Variants in PRKAG2 observed in about 807,000 individuals in gnomAD.
The protein encoded by PRKAG2 is protein kinase AMP-activated non-catalytic subunit gamma 2, also known as 5'-AMP-activated protein kinase subunit gamma-2.
PRKAG2 carries 26 observed loss-of-function variants against 69.6 expected under a neutral mutation model. That is an observed-to-expected ratio of 0.37 (90% CI 0.27 to 0.52). The LOEUF (loss-of-function observed/expected upper bound fraction) is 0.52, where lower values mean the gene tolerates loss of function less well. Among genes scored for constraint, PRKAG2 ranks in the 20% least tolerant of loss-of-function variants. The pLI is 0.90. For missense variants in PRKAG2, 557 were observed against 740.0 expected (o/e 0.75, Z 2.87); for synonymous variants, 293 against 285.0 (o/e 1.03, Z -0.28).
At chr7:151,862,078 G>A (rs1351003612) in intron 1 of PRKAG2, among the ~76,000 whole-genome samples, 1 of 151,980 alleles carries the variant, frequency 6.6e-6, no homozygotes, top group Non-Finnish European at 1.5e-5. Context: ...GATGAGGCCC[G>A]AGGCACTGGC....
At chr7:151,750,249 G>A (rs1188741798) in intron 3 of PRKAG2, among the ~76,000 whole-genome samples, 2 of 152,132 alleles carry the variant, frequency 1.3e-5, no homozygotes, top group Non-Finnish European at 2.9e-5. Context: ...CCCAGAACCT[G>A]CAGTCCTAGG....
chr7:151,762,644 C>A (rs2075487096), intron 3 of PRKAG2, among the ~76,000 whole-genome samples: 2 of 152,214 alleles, frequency 1.3e-5, no homozygotes, highest in African/African-American at 4.8e-5. Context: ...ACCAGCACCT[C>A]TGAGCTGTGT....
chr7:151,595,381 G>C lies in PRKAG2; in HGVS notation c.828C>G (p.Thr276=). ...RSHKCYDIVP[T]SSKLVVFDTT... is the part of the protein sequence containing the mutation. ...TATCAAAGACAACAAGCTTTGAACT[G>C]GTTGGAACGATGTCATAACACTTGT... is the stretch of plus-strand genomic sequence containing the variant. Residue 276 remains threonine (T), a synonymous_variant, in exon 6 of 16, where the codon ACC becomes ACG. Coordinates refer to ENST00000287878, the MANE Select transcript of PRKAG2 (RefSeq NM_016203.4). The C allele has an allele frequency of 6.2e-7, 1 of 1,613,782 alleles. No individual in the cohort carries two copies. The highest frequency in any genetic ancestry group is 8.5e-7 in the Non-Finnish European group (1 of 1,179,752).
intron 3 of PRKAG2, among the ~76,000 whole-genome samples, chr7:151,716,500 G>C (rs1484667392): frequency 6.6e-6 from 1 of 152,130 alleles, no homozygotes; most frequent in Non-Finnish European, 1.5e-5. Flanking sequence ...CACCACTCCA[G>C]GCTCAAAGGG....
intron 3 of PRKAG2, among the ~76,000 whole-genome samples, chr7:151,701,842 CAA>C (rs71533538): frequency 2.4e-4 from 22 of 92,414 alleles, no homozygotes; most frequent in Non-Finnish European, 1.4e-4. Context: ...GACTCTGTCT[CAA>C]AAAAAAAAAA....
intron 4 of PRKAG2, among the ~76,000 whole-genome samples, chr7:151,650,234 G>C (rs1828259240): frequency 6.7e-6 from 1 of 150,302 alleles, no homozygotes; most frequent in Non-Finnish European, 1.5e-5. Flanking sequence ...AAGTTTAAGA[G>C]AAAAATGGTA....
At chr7:151,751,011 G>C (rs2074634300) in intron 3 of PRKAG2, among the ~76,000 whole-genome samples, 1 of 151,920 alleles carries the variant, frequency 6.6e-6, no homozygotes. Flanking sequence ...TGATGACTAA[G>C]TATGCTCATG....
chr7:151,700,833 G>A (rs1015906994), intron 3 of PRKAG2, among the ~76,000 whole-genome samples: 4 of 152,102 alleles, frequency 2.6e-5, no homozygotes, highest in East Asian at 3.9e-4. Flanking sequence ...GCCTTGTGCC[G>A]AACCCCAAAT....
rs1463255243 is a variant in PRKAG2 at position 151,780,954 on chromosome 7, A to G, written c.466+198T>C. 6.6e-6 allele frequency among the ~76,000 whole-genome samples: 1 copy of G among 152,216 alleles called. No homozygotes were observed. Among genetic ancestry groups the G allele is most frequent in the Non-Finnish European group, 1.5e-5 (1 of 68,044 alleles). On this transcript the variant is annotated intron_variant, in intron 3 of 15. Coordinates refer to ENST00000287878, the MANE Select transcript of PRKAG2 (RefSeq NM_016203.4). The surrounding 1 kb of genome is among the most constrained non-coding windows in gnomAD (Gnocchi z 4.2). ...CGCTTTGATAGATTAGCATGGGAAGAAAGTGACAGGTGGAAACTGATGTTC... is the reference window on the plus strand; with the variant it reads ...CGCTTTGATAGATTAGCATGGGAAGGAAGTGACAGGTGGAAACTGATGTTC...
At chr7:151,760,127 AG>A in intron 3 of PRKAG2, among the ~76,000 whole-genome samples, 1 of 152,326 alleles carries the variant, frequency 6.6e-6, no homozygotes, top group Non-Finnish European at 1.5e-5. Flanking sequence ...GAGAGAACCT[AG>A]GAGAAGTGAA....
rs113129160 is a variant in PRKAG2 at position 151,865,844 on chromosome 7, C to T, written c.114+10663G>A. ...ACCATCCTGGCTAACACGGTGAAACCCCGTCTCTATTAAAAAATACAAAAA... is the reference window on the plus strand; with the variant it reads ...ACCATCCTGGCTAACACGGTGAAACTCCGTCTCTATTAAAAAATACAAAAA... On this transcript the variant is annotated intron_variant, in intron 1 of 15. Coordinates refer to ENST00000287878, the MANE Select transcript of PRKAG2 (RefSeq NM_016203.4). Among the ~76,000 whole-genome samples the T allele has an allele frequency of 8.8e-3, 1,341 of 151,976 alleles. 26 individuals carry two copies. The highest frequency in any genetic ancestry group is 0.028 in the African/African-American group (1,149 of 41,466).
At chr7:151,671,998 T>G (rs971647413) in intron 4 of PRKAG2, among the ~76,000 whole-genome samples, 1 of 152,066 alleles carries the variant, frequency 6.6e-6, no homozygotes, top group African/African-American at 2.4e-5. Context: ...TGGTGATAAA[T>G]ATACATAAAA....
rs371625544 is a variant in PRKAG2, at chr7:151,811,929, T to C, written c.115-25388A>G. On this transcript the variant is annotated intron_variant, in intron 1 of 15. Transcript: ENST00000287878. Reference sequence around the variant, plus strand: ...GCTCTAGTTTGCCATTTACTGGTTATGCAATCTCAGTAAATTATTCAAATT... The same window carrying C: ...GCTCTAGTTTGCCATTTACTGGTTACGCAATCTCAGTAAATTATTCAAATT... Among the ~76,000 whole-genome samples the C allele has an allele frequency of 5.9e-5, 9 of 152,348 alleles. No individual in the cohort carries two copies. The East Asian group carries it at 1.5e-3, about 26-fold the overall frequency.
intron 1 of PRKAG2, among the ~76,000 whole-genome samples, chr7:151,842,350 AATGGTAGGTAGGGATGGTAGTG>A (rs2079321793): frequency 6.2e-5 from 5 of 80,062 alleles, no homozygotes; most frequent in African/African-American, 2.1e-4. Flanking sequence ...TGATGGTAGC[AATGGTAGGTAGGGATGGTAGTG>A]ATGGTAGGTG....
intron 3 of PRKAG2, among the ~76,000 whole-genome samples, chr7:151,685,271 T>C (rs569429035): frequency 4.6e-5 from 7 of 152,242 alleles, no homozygotes; most frequent in African/African-American, 1.4e-4. Flanking sequence ...AGCTGCCCAA[T>C]ACTTCTCTGA....
intron 5 of PRKAG2, among the ~76,000 whole-genome samples, chr7:151,616,934 C>T (rs556421213): frequency 6.6e-6 from 1 of 152,202 alleles, no homozygotes; most frequent in East Asian, 1.9e-4. Context: ...AGGAAAGTTA[C>T]TCAGGACCAG....
chr7:151,799,924 C>T (rs2077743294), intron 1 of PRKAG2, among the ~76,000 whole-genome samples: 1 of 152,240 alleles, frequency 6.6e-6, no homozygotes, highest in African/African-American at 2.4e-5. Flanking sequence ...ACAACAACCA[C>T]ACTGCTAGCT....
At chr7:151,821,285 T>C (rs968047070) in intron 1 of PRKAG2, among the ~76,000 whole-genome samples, 4 of 152,220 alleles carry the variant, frequency 2.6e-5, no homozygotes, top group Non-Finnish European at 5.9e-5. Flanking sequence ...TCCTCCTCCT[T>C]TGTTCCCTAG....
chr7:151,795,615 G>C (rs2151830444), intron 1 of PRKAG2, among the ~76,000 whole-genome samples: 1 of 152,114 alleles, frequency 6.6e-6, no homozygotes, highest in Non-Finnish European at 1.5e-5. Flanking sequence ...TTGCAGACGT[G>C]GATGACATCT....
Sources: allele counts gnomAD v4.1 joint callset (sites outside exome capture counted in the v4.1 genomes callset), GRCh38; gene constraint gnomAD v4.1.1; non-coding constraint Gnocchi (gnomAD v3.1); transcripts MANE v1.5; gene names NCBI Gene and HGNC (gene_info 2026-07-23, HGNC 2026-07-21).